Variants in SP7 observed in about 807,000 individuals in gnomAD.
SP7 encodes Sp7 transcription factor, also known as transcription factor Sp7.
Under a neutral mutation model 27.9 loss-of-function variants are expected in SP7, and 13 were observed. The ratio of observed to expected loss-of-function variants is 0.47; its 90% CI spans 0.30 to 0.74. The LOEUF is 0.74. Among genes scored for constraint, SP7 ranks in the 30% least tolerant of loss-of-function variants. The probability of loss-of-function intolerance (pLI) is 0.06; values close to 1 mark genes in which losing one functional copy is unlikely to be tolerated. For missense variants in SP7, 525 were observed against 558.0 expected (o/e 0.94, Z 0.60); for synonymous variants, 219 against 226.7 (o/e 0.97, Z 0.31).
upstream of SP7, among the ~76,000 whole-genome samples, chr12:53,338,835 C>T (rs1413732917): frequency 1.3e-5 from 2 of 152,190 alleles, no homozygotes; most frequent in Non-Finnish European, 2.9e-5. Context: ...CCTGAATCCC[C>T]CAGCTGCTGC....
chr12:53,335,161 C>T lies in SP7; in HGVS notation c.21+465G>A, dbSNP rs117730162. On this transcript the variant is annotated intron_variant, in intron 2 of 2. Coordinates refer to ENST00000536324, the MANE Select transcript of SP7 (RefSeq NM_001173467.3). The stretch of plus-strand genomic sequence containing the variant: ...ACCAGGCAAGATCCTGTCTGGGCTA[C>T]GAGTCCCAGGAGACGGGACCCCTAA... Among the ~76,000 whole-genome samples the T allele has an allele frequency of 9.1e-4, 138 of 152,184 alleles. 3 individuals are homozygous for T. The East Asian group carries it at 0.021, about 23-fold the overall frequency.
chr12:53,333,082 C>G lies in SP7; in HGVS notation c.21+2544G>C, dbSNP rs112410724. ...GGGGAGTGGAGGCCCAGAGGGCCCT[C>G]GAGGGCAGGGAATGGGGAGCGAGGA... On this transcript the variant is annotated intron_variant, in intron 2 of 2. Coordinates refer to ENST00000536324, the MANE Select transcript of SP7 (RefSeq NM_001173467.3). Among the ~76,000 whole-genome samples, 1,327 of 152,200 alleles carry G rather than the reference C, an allele frequency of 8.7e-3. 20 individuals are homozygous for G. The highest frequency in any genetic ancestry group is 0.03 in the African/African-American group (1,260 of 41,512).
intron 2 of SP7, among the ~76,000 whole-genome samples, chr12:53,331,582 T>C (rs1944706387): frequency 6.6e-6 from 1 of 152,016 alleles, no homozygotes; most frequent in Admixed American, 6.5e-5. Flanking sequence ...TCATGGTTCC[T>C]GATGGTGCCT....
chr12:53,327,772 G>A lies in SP7; in HGVS notation c.*374C>T, dbSNP rs114074384. ...ACTGAAGCCTGGAGGCTGAGGGACAGCAGGAAATAAGCTTGAGAAGCAGAA... is the reference window on the plus strand; with the variant it reads ...ACTGAAGCCTGGAGGCTGAGGGACAACAGGAAATAAGCTTGAGAAGCAGAA... On this transcript the variant is annotated 3_prime_UTR_variant, in exon 3 of 3. Coordinates refer to ENST00000536324, the MANE Select transcript of SP7 (RefSeq NM_001173467.3). 482 of 234,256 alleles carry A rather than the reference G, an allele frequency of 2.1e-3. 1 individual carries two copies. Among genetic ancestry groups the A allele is most frequent in the African/African-American group, 7.6e-3 (336 of 44,318 alleles). The allele number at this position is 234,256 out of a possible 1,614,324, so 14.5% of individuals were successfully genotyped here. A position where few individuals can be genotyped will look rare whatever the true frequency, so the allele number is the denominator to read the frequency against.
At position 53,344,600 on chromosome 12, in the gene SP7, G is replaced by A. The variant is rs1944847821; in HGVS notation, c.-34+514C>T. Among the ~76,000 whole-genome samples, 1 of 152,176 alleles carries A rather than the reference G, an allele frequency of 6.6e-6. No homozygotes were observed. Among genetic ancestry groups the A allele is most frequent in the African/African-American group, 2.4e-5 (1 of 41,452 alleles). On this transcript the variant is annotated intron_variant, in intron 1 of 1. Coordinates refer to the SP7 transcript ENST00000547755. This position sits in a 1 kb window ranked among gnomAD's most constrained non-coding sequence, Gnocchi z 4.6. Reference sequence around the variant, plus strand: ...GCCCCCATCCACCCCCACCTCGCGTGGACGTGTGAGGCAAGAAGGACGGTT... The same window carrying A: ...GCCCCCATCCACCCCCACCTCGCGTAGACGTGTGAGGCAAGAAGGACGGTT...
At chr12:53,330,197 C>A (rs1039745959) in intron 2 of SP7, among the ~76,000 whole-genome samples, 2 of 152,084 alleles carry the variant, frequency 1.3e-5, no homozygotes, top group Admixed American at 6.6e-5. Flanking sequence ...TACAGCCGCA[C>A]GCCACCACAT....
Position 53,328,351 on chromosome 12 carries a change from G to C in SP7, c.1091C>G (p.Thr364Ser), listed in dbSNP as rs749653099. ...GTGTTTGCTCAGGTGGTCGCTTCGGGTAAAGCGCTTGGAGCAGAGCAGGCA... is the reference window on the plus strand; with the variant it reads ...GTGTTTGCTCAGGTGGTCGCTTCGGCTAAAGCGCTTGGAGCAGAGCAGGCA... ...FTCLLCSKRF[T>S]RSDHLSKHQR... Residue 364 changes from threonine to serine, a missense_variant, in exon 3 of 3, where the codon ACC becomes AGC. Thr to Ser is a moderately conservative substitution (Grantham distance 58). Transcript: ENST00000536324. The surrounding 1 kb of genome is among the most constrained non-coding windows in gnomAD (Gnocchi z 5.1). The C allele has an allele frequency of 3.7e-6, 6 of 1,612,522 alleles. No homozygotes were observed. The highest frequency in any genetic ancestry group is 5.1e-6 in the Non-Finnish European group (6 of 1,178,928).
chr12:53,338,956 G>T, upstream of SP7, among the ~76,000 whole-genome samples: 1 of 152,156 alleles, frequency 6.6e-6, no homozygotes, highest in East Asian at 1.9e-4. Flanking sequence ...CCTTCCCAGT[G>T]CCCTGAGGGG....
In SP7 at chr12:53,328,469, C is replaced by T. The variant is rs375217122; in HGVS notation, c.973G>A (p.Val325Ile). Reference protein sequence around the residue: ...LRWHTGERPFVCNWLFCGKRF... With the variant: ...LRWHTGERPFICNWLFCGKRF... ...TTGCCGCAGAAGAGCCAGTTGCAGA[C>T]GAAGGGCCTCTCGCCTGTGTGCCAG... Residue 325 changes from valine to isoleucine, a missense_variant, in exon 3 of 3, where the codon GTC (valine) becomes ATC (isoleucine). Val to Ile is a conservative substitution (Grantham distance 29). Coordinates refer to ENST00000536324, the MANE Select transcript of SP7 (RefSeq NM_001173467.3). This position sits in a 1 kb window ranked among gnomAD's most constrained non-coding sequence, Gnocchi z 5.1. The T allele has an allele frequency of 1.1e-5, 17 of 1,613,850 alleles. No individual in the cohort carries two copies. The highest frequency in any genetic ancestry group is 4.5e-5 in the East Asian group (2 of 44,898).
intron 2 of SP7, among the ~76,000 whole-genome samples, chr12:53,335,218 C>T (rs922240626): frequency 6.6e-6 from 1 of 152,140 alleles, no homozygotes; most frequent in Non-Finnish European, 1.5e-5. Context: ...TCTGTGCCCA[C>T]TCAGCCAGTC....
chr12:53,339,601 T>G (rs1944804348), upstream of SP7, among the ~76,000 whole-genome samples: 1 of 151,792 alleles, frequency 6.6e-6, no homozygotes, highest in Non-Finnish European at 1.5e-5. Flanking sequence ...GACGGGTGCC[T>G]GTAATCCCAG....
In SP7 at chr12:53,344,374, C is replaced by T. The variant is rs944584226; in HGVS notation, c.-34+740G>A. Among the ~76,000 whole-genome samples the T allele has an allele frequency of 1.3e-5, 2 of 152,108 alleles. No homozygotes were observed. The highest frequency in any genetic ancestry group is 6.5e-5 in the Admixed American group (1 of 15,272). ...CCCTCCTGAACTATTTCCTTTCCCC[C>T]TTTTCACCCATTTCTCCCTCTCCCC... On this transcript the variant is annotated intron_variant, in intron 1 of 1. Transcript: ENST00000547755. This position sits in a 1 kb window ranked among gnomAD's most constrained non-coding sequence, Gnocchi z 4.6.
At chr12:53,331,610 C>T (rs945581199) in intron 2 of SP7, among the ~76,000 whole-genome samples, 1 of 152,072 alleles carries the variant, frequency 6.6e-6, no homozygotes, top group African/African-American at 2.4e-5. Flanking sequence ...GGTGAGGCAT[C>T]CAAGGAGGAA....
chr12:53,334,823 C>A (rs1944748240), intron 2 of SP7, among the ~76,000 whole-genome samples: 1 of 152,202 alleles, frequency 6.6e-6, no homozygotes, highest in Non-Finnish European at 1.5e-5. Context: ...CCAGTGGTAC[C>A]CCAATTCCCT....
At chr12:53,341,045 C>T (rs114042601), upstream of SP7, among the ~76,000 whole-genome samples, 1,964 of 152,298 alleles carry the variant, frequency 0.013, 35 homozygotes, top group African/African-American at 0.043. Context: ...GCTGAGGACA[C>T]AGGGTAGAAA....
upstream of SP7, among the ~76,000 whole-genome samples, chr12:53,338,048 G>A (rs1392201059): frequency 6.6e-6 from 1 of 151,934 alleles, no homozygotes; most frequent in Non-Finnish European, 1.5e-5. Flanking sequence ...GAGGAACAAA[G>A]ATGGGGAGAC....
chr12:53,337,997 CAG>C (rs1412932890), upstream of SP7, among the ~76,000 whole-genome samples: 3 of 151,936 alleles, frequency 2.0e-5, no homozygotes, highest in Non-Finnish European at 4.4e-5. Flanking sequence ...CAACAAAAAA[CAG>C]AGCAGGAAAG....
intron 2 of SP7, among the ~76,000 whole-genome samples, chr12:53,333,271 GT>G: frequency 6.6e-6 from 1 of 152,292 alleles, no homozygotes; most frequent in Non-Finnish European, 1.5e-5. Flanking sequence ...GATCAAATGT[GT>G]TCCCTTTCCA....
rs1284497838 is a variant in SP7, at chr12:53,344,528, T to G, written c.-34+586A>C. ...CCAACATTAACACCTCCTCCCCACA[T>G]AGCCTCAATGGGACGCCCCCCTCTG... On this transcript the variant is annotated intron_variant, in intron 1 of 1. Transcript: ENST00000547755. This position sits in a 1 kb window ranked among gnomAD's most constrained non-coding sequence, Gnocchi z 4.6. Among the ~76,000 whole-genome samples the G allele has an allele frequency of 6.6e-6, 1 of 152,000 alleles. No individual in the cohort carries two copies. Among genetic ancestry groups the G allele is most frequent in the Non-Finnish European group, 1.5e-5 (1 of 67,988 alleles).
Sources: gnomAD v4.1 joint callset for allele counts (sites outside exome capture counted in the v4.1 genomes callset) on GRCh38, gnomAD v4.1.1 for gene constraint, Gnocchi (gnomAD v3.1) non-coding constraint, MANE v1.5 for transcripts, NCBI Gene and HGNC (gene_info 2026-07-23, HGNC 2026-07-21) for gene names.